The following NCKAP5 variants were observed in gnomAD, a reference collection of about 807,000 sequenced individuals.
The protein encoded by NCKAP5 is nck-associated protein 5.
A neutral mutation model predicts 167.0 loss-of-function variants in NCKAP5; 92 were observed. The observed-to-expected ratio is 0.55, with a 90% CI of 0.47 to 0.66. The LOEUF (loss-of-function observed/expected upper bound fraction) is 0.66. Ranked by LOEUF, NCKAP5 falls within the 30% of genes least tolerant of loss-of-function variation. NCKAP5 has a pLI of 0.00. For missense variants in NCKAP5, 2,378 were observed against 2,315.0 expected (o/e 1.03, Z -0.56); for synonymous variants, 891 against 877.4 (o/e 1.02, Z -0.27).
At chr2:132,791,507 C>G (rs528222733) in intron 12 of NCKAP5, among the ~76,000 whole-genome samples, 1 of 152,190 alleles carries the variant, frequency 6.6e-6, no homozygotes, top group East Asian at 1.9e-4. Flanking sequence ...ACAAACTGGA[C>G]AGGCTAAATT....
At chr2:132,930,577 C>CTT (rs1160670426) in intron 8 of NCKAP5, 1 of 152,206 alleles carries the variant, frequency 6.6e-6, no homozygotes, top group Non-Finnish European at 1.5e-5. Flanking sequence ...GACTCTGGAA[C>CTT]TTTTACCAGT....
At chr2:133,307,854 T>C (rs1232008926) in intron 3 of NCKAP5, among the ~76,000 whole-genome samples, 1 of 152,052 alleles carries the variant, frequency 6.6e-6, no homozygotes, top group Non-Finnish European at 1.5e-5. Flanking sequence ...TAAAAAAATA[T>C]GGAATTCACA....
At chr2:133,471,682 C>T (rs1679337655) in intron 3 of NCKAP5, among the ~76,000 whole-genome samples, 1 of 152,242 alleles carries the variant, frequency 6.6e-6, no homozygotes, top group East Asian at 1.9e-4. Flanking sequence ...GGCTTCCTCC[C>T]AGGCTTTATC....
intron 6 of NCKAP5, among the ~76,000 whole-genome samples, chr2:133,092,639 G>A (rs1357140768): frequency 6.6e-6 from 1 of 152,006 alleles, no homozygotes; most frequent in African/African-American, 2.4e-5. Context: ...AAAATAACTG[G>A]TTTCATTATG....
intron 3 of NCKAP5, among the ~76,000 whole-genome samples, chr2:133,409,336 G>A (rs1039862818): frequency 1.3e-5 from 2 of 152,180 alleles, no homozygotes; most frequent in Non-Finnish European, 2.9e-5. Context: ...TTACTGAAAG[G>A]TTTCCTAGAA....
upstream of NCKAP5, among the ~76,000 whole-genome samples, chr2:133,572,397 C>T (rs531812274): frequency 6.6e-6 from 1 of 152,296 alleles, no homozygotes; most frequent in Admixed American, 6.5e-5. Flanking sequence ...CTTAGCTCTT[C>T]CAAGAGAAGA....
chr2:133,525,557 G>A (rs1028564117), intron 2 of NCKAP5, among the ~76,000 whole-genome samples: 5 of 152,330 alleles, frequency 3.3e-5, no homozygotes, highest in Non-Finnish European at 4.4e-5. Context: ...CTTAGGAAGA[G>A]AGGTCAGAGA....
At chr2:133,457,595 C>T (rs765588867) in intron 3 of NCKAP5, among the ~76,000 whole-genome samples, 12 of 152,140 alleles carry the variant, frequency 7.9e-5, no homozygotes, top group African/African-American at 2.9e-4. Context: ...TCTGAAGGAA[C>T]AAAATCTTAT....
intron 8 of NCKAP5, among the ~76,000 whole-genome samples, chr2:132,943,533 C>A (rs1697457551): frequency 6.6e-6 from 1 of 152,194 alleles, no homozygotes; most frequent in Non-Finnish European, 1.5e-5. Context: ...CCTCTTTACA[C>A]ACAGGAAGGA....
chr2:133,531,839 C>A (rs1435016167), intron 2 of NCKAP5, among the ~76,000 whole-genome samples: 22 of 152,072 alleles, frequency 1.4e-4, no homozygotes, highest in Admixed American at 1.4e-3. Flanking sequence ...TACCTACTAC[C>A]CTGTATTTAA....
intron 6 of NCKAP5, among the ~76,000 whole-genome samples, chr2:133,034,546 T>C (rs1898562): frequency 0.1 from 15,612 of 152,086 alleles, 1,125 homozygotes; most frequent in East Asian, 0.35. Flanking sequence ...CTAATAAAAA[T>C]AATAACTATA....
At chr2:132,969,988 T>C (rs1036284171) in intron 7 of NCKAP5, among the ~76,000 whole-genome samples, 3 of 152,016 alleles carry the variant, frequency 2.0e-5, no homozygotes, top group African/African-American at 7.3e-5. Flanking sequence ...AGAGAGAAAA[T>C]GGAAGGGACG....
chr2:133,086,986 A>G (rs1381653043), intron 6 of NCKAP5, among the ~76,000 whole-genome samples: 1 of 152,194 alleles, frequency 6.6e-6, no homozygotes, highest in Non-Finnish European at 1.5e-5. Flanking sequence ...TAGAAAAGTG[A>G]TTTTTAGATG....
At chr2:132,768,184 A>G (rs775997939) in intron 16 of NCKAP5, among the ~76,000 whole-genome samples, 16 of 152,260 alleles carry the variant, frequency 1.1e-4, no homozygotes, top group Non-Finnish European at 1.6e-4. Context: ...CACCTACCAC[A>G]CAATCCTAAT....
intron 6 of NCKAP5, among the ~76,000 whole-genome samples, chr2:133,048,608 T>G (rs866686047): frequency 2.0e-5 from 3 of 152,230 alleles, no homozygotes; most frequent in Non-Finnish European, 4.4e-5. Context: ...CTGAACTGTA[T>G]GAGGGTTTAT....
chr2:133,468,578 G>T (rs190329998), intron 3 of NCKAP5, among the ~76,000 whole-genome samples: 45 of 152,212 alleles, frequency 3.0e-4, no homozygotes, highest in African/African-American at 1.0e-3. Flanking sequence ...TTGACTTTCT[G>T]TCTCGTTGAT....
intron 19 of NCKAP5, among the ~76,000 whole-genome samples, chr2:132,723,765 C>T (rs1453569550): frequency 6.6e-6 from 1 of 152,168 alleles, no homozygotes; most frequent in Non-Finnish European, 1.5e-5. Flanking sequence ...GTGCAACCAC[C>T]CTGGTCCAAG....
At chr2:133,375,268 AT>A (rs370521551) in intron 3 of NCKAP5, among the ~76,000 whole-genome samples, 78 of 152,290 alleles carry the variant, frequency 5.1e-4, no homozygotes, top group African/African-American at 1.9e-3. Flanking sequence ...AGAAAATTAC[AT>A]TCTTTTGGTA....
chr2:133,450,623 G>A (rs981844563), intron 3 of NCKAP5, among the ~76,000 whole-genome samples: 8 of 152,246 alleles, frequency 5.3e-5, no homozygotes, highest in Admixed American at 1.3e-4. Context: ...TTCATTGGGT[G>A]AAACATTTTC....
Sources: gnomAD v4.1 joint callset for allele counts (sites outside exome capture counted in the v4.1 genomes callset) on GRCh38, gnomAD v4.1.1 for gene constraint, MANE v1.5 for transcripts, NCBI Gene and HGNC (gene_info 2026-07-23, HGNC 2026-07-21) for gene names.